Variants in TCP11L1 observed in about 807,000 individuals in gnomAD.
The protein encoded by TCP11L1 is t-complex 11 like 1, also known as T-complex protein 11-like protein 1.
Under a neutral mutation model 48.9 loss-of-function variants are expected in TCP11L1, and 28 were observed. The ratio of observed to expected loss-of-function variants is 0.57; its 90% CI spans 0.42 to 0.78. The LOEUF is 0.78. Among genes scored for constraint, TCP11L1 ranks in the 30% least tolerant of loss-of-function variants. The pLI is 0.00. For synonymous variants in TCP11L1, 204 were observed against 231.9 expected, an observed-to-expected ratio of 0.88 and a Z score of 1.09; for missense variants, 505 against 613.4, an observed-to-expected ratio of 0.82 and a Z score of 1.87.
chr11:33,052,117 G>A (rs1244406675), intron 2 of TCP11L1, among the ~76,000 whole-genome samples: 1 of 151,912 alleles, frequency 6.6e-6, no homozygotes, highest in East Asian at 1.9e-4. Context: ...GGAGGGAGAG[G>A]ATCAAGAAAA....
chr11:33,068,991 A>G, intron 9 of TCP11L1, 132 bp downstream of exon 9: 1 of 1,196,122 alleles, frequency 8.4e-7, no homozygotes. Context: ...ATGAAGCACC[A>G]CAGAGAGACC....
intron 8 of TCP11L1, among the ~76,000 whole-genome samples, chr11:33,066,503 A>G (rs1213601651): frequency 6.6e-6 from 1 of 152,048 alleles, no homozygotes; most frequent in Non-Finnish European, 1.5e-5. Context: ...GCTGGTACCA[A>G]TGGTTGCTTG....
In TCP11L1 at chr11:33,068,723, G is replaced by C. The variant is rs1368277735; in HGVS notation, c.1191G>C (p.Gly397=). Residue 397 remains glycine, a synonymous_variant, in exon 9 of 10, where the codon GGG becomes GGC. Transcript: ENST00000334274. The part of the protein sequence containing the change: ...FHLKDVLTTI[G]EKVCLEVSSC... ...TGAAGGACGTCCTCACTACCATCGG[G>C]GAGAAGGTGTGCCTGGAGGTGAGCA... The C allele has an allele frequency of 1.9e-6, 3 of 1,614,118 alleles. No individual in the cohort carries two copies. Among genetic ancestry groups the C allele is most frequent in the Non-Finnish European group, 1.7e-6 (2 of 1,180,020 alleles).
rs1380045812 is a variant in TCP11L1, at chr11:33,039,651, C to G, written c.-166C>G. On this transcript the variant is annotated 5_prime_UTR_variant, in exon 1 of 10. Transcript: ENST00000334274. The stretch of plus-strand genomic sequence containing the variant: ...GTCGGGCTGGGAGGACCGCCCGCCG[C>G]GTGGCGAGGGATGCGGCCTCGGAGG... 6.6e-6 allele frequency: 1 copy of G among 152,288 alleles called. No individual in the cohort carries two copies. The highest frequency in any genetic ancestry group is 1.5e-5 in the Non-Finnish European group (1 of 68,078). The allele number at this position is 152,288 out of a possible 1,614,324, so 9.4% of individuals were successfully genotyped here. A position where few individuals can be genotyped will look rare whatever the true frequency, so the allele number is the denominator to read the frequency against.
chr11:33,070,564 G>A lies in TCP11L1; in HGVS notation c.1327+1705G>A, dbSNP rs576114133. Among the ~76,000 whole-genome samples, 9 of 149,986 alleles carry A rather than the reference G, an allele frequency of 6.0e-5. No individual in the cohort carries two copies. The East Asian group carries it at 1.6e-3, about 27-fold the overall frequency. ...GCCAGGCATGGTGGTGCATGCCTGT[G>A]ATGCTAGCTACTTGAGAGGCTGAGG... is the stretch of plus-strand genomic sequence containing the variant. On this transcript the variant is annotated intron_variant, in intron 9 of 9. Transcript: ENST00000334274.
intron 3 of TCP11L1, chr11:33,056,754 T>C: frequency 4.1e-6 from 1 of 245,798 alleles, no homozygotes; most frequent in South Asian, 4.4e-5. Context: ...TAAATTGTTA[T>C]CTTAGACTAC....
intron 2 of TCP11L1, among the ~76,000 whole-genome samples, chr11:33,047,216 G>GA (rs11385765): frequency 0.44 from 58,856 of 132,954 alleles, 11,876 homozygotes; most frequent in African/African-American, 0.5. Context: ...TTCATCTCAA[G>GA]AAAAAAAAAA....
chr11:33,045,908 CG>C (rs1853979265), intron 2 of TCP11L1, among the ~76,000 whole-genome samples: 1 of 152,190 alleles, frequency 6.6e-6, no homozygotes, highest in African/African-American at 2.4e-5. Flanking sequence ...ACAGCTGTGA[CG>C]GTTTAGCATT....
chr11:33,053,814 T>G (rs181325600), intron 2 of TCP11L1, among the ~76,000 whole-genome samples: 1 of 152,256 alleles, frequency 6.6e-6, no homozygotes, highest in African/African-American at 2.4e-5. Context: ...TGATGGTATT[T>G]TAATTTTTTA....
intron 8 of TCP11L1, among the ~76,000 whole-genome samples, chr11:33,067,290 C>T (rs1214241647): frequency 6.6e-6 from 1 of 152,146 alleles, no homozygotes; most frequent in African/African-American, 2.4e-5. Flanking sequence ...TAAGTAAATG[C>T]TCTATCTAAC....
In TCP11L1 at chr11:33,058,020, G is replaced by A. The variant is rs745327653; in HGVS notation, c.519G>A (p.Ala173=). The A allele has an allele frequency of 2.5e-5, 41 of 1,613,988 alleles. No individual in the cohort carries two copies. The East Asian group carries it at 7.8e-4, about 31-fold the overall frequency. Residue 173 remains alanine, a synonymous_variant, in exon 5 of 10, where the codon GCG becomes GCA. Transcript: ENST00000334274. ...DLIKQEAENG[A]LDISKLAEFI... is the part of the protein sequence containing the mutation. ...TAAAGCAGGAAGCAGAGAATGGGGC[G>A]CTAGACATTTCCAAGCTGGCAGAAT...
intron 7 of TCP11L1, among the ~76,000 whole-genome samples, chr11:33,064,077 G>C (rs1444167095): frequency 1.3e-5 from 2 of 152,062 alleles, no homozygotes; most frequent in African/African-American, 4.8e-5. Flanking sequence ...CTATGGAGAG[G>C]GGGATGTGAG....
chr11:33,061,669 G>A lies in TCP11L1; in HGVS notation c.915G>A (p.Gln305=). 6.2e-7 allele frequency: 1 copy of A among 1,611,796 alleles called. No homozygotes were observed. Among genetic ancestry groups the A allele is most frequent in the Non-Finnish European group, 8.5e-7 (1 of 1,178,900 alleles). Residue 305 remains glutamine, a synonymous_variant, in exon 7 of 10, where the codon CAG becomes CAA. Transcript: ENST00000334274. ...DMPRLSPVAV[Q]NYAYLKLLKW... ...CCAGGCTGAGCCCTGTTGCTGTCCA[G>A]AATTACGCTTACCTGAAGCTTCTGA...
At chr11:33,045,989 A>G (rs1437903571) in intron 2 of TCP11L1, among the ~76,000 whole-genome samples, 1 of 152,278 alleles carries the variant, frequency 6.6e-6, no homozygotes, top group Admixed American at 6.5e-5. Context: ...TTAAGATACA[A>G]TAGATCTATG....
At chr11:33,069,850 G>A (rs1404543230) in intron 9 of TCP11L1, among the ~76,000 whole-genome samples, 3 of 151,992 alleles carry the variant, frequency 2.0e-5, no homozygotes, top group Admixed American at 1.3e-4. Context: ...CAAGTGATCC[G>A]CCTGCCTCAG....
chr11:33,048,091 C>T (rs932308316), intron 2 of TCP11L1, among the ~76,000 whole-genome samples: 2 of 152,076 alleles, frequency 1.3e-5, no homozygotes, highest in East Asian at 1.9e-4. Flanking sequence ...GGCATCAGTG[C>T]GCAAATGCTG....
At chr11:33,050,151 G>A (rs114651457) in intron 2 of TCP11L1, among the ~76,000 whole-genome samples, 158 of 152,294 alleles carry the variant, frequency 1.0e-3, no homozygotes, top group African/African-American at 3.7e-3. Context: ...GTGAGCACAG[G>A]GTTGGGACAA....
At chr11:33,040,660 T>G (rs1853803956) in intron 1 of TCP11L1, 1 of 152,206 alleles carries the variant, frequency 6.6e-6, no homozygotes, top group Non-Finnish European at 1.5e-5. Flanking sequence ...ACTAGCACTT[T>G]TACCATCTGG....
At chr11:33,051,708 T>A (rs548810051) in intron 2 of TCP11L1, among the ~76,000 whole-genome samples, 1 of 152,040 alleles carries the variant, frequency 6.6e-6, no homozygotes, top group South Asian at 2.1e-4. Context: ...GTCCACCTGC[T>A]TCAGCCTCCC....
Sources: allele counts gnomAD v4.1 joint callset (sites outside exome capture counted in the v4.1 genomes callset), GRCh38; gene constraint gnomAD v4.1.1; transcripts MANE v1.5; gene names NCBI Gene and HGNC (gene_info 2026-07-23, HGNC 2026-07-21).